COL24A1: variants seen among roughly 807,000 people sequenced by gnomAD.
The protein encoded by COL24A1 is collagen alpha-1(XXIV) chain.
Under a neutral mutation model 253.9 loss-of-function variants are expected in COL24A1, and 224 were observed. The ratio of observed to expected loss-of-function variants is 0.88; its 90% CI spans 0.79 to 0.99. The LOEUF (loss-of-function observed/expected upper bound fraction) is 0.99. Among genes scored for constraint, COL24A1 ranks in the 50% least tolerant of loss-of-function variants. The probability of loss-of-function intolerance (pLI) is 0.00; values close to 1 mark genes in which losing one functional copy is unlikely to be tolerated. For missense variants in COL24A1, 2,131 were observed against 2,068.5 expected (o/e 1.03, Z -0.59); for synonymous variants, 685 against 673.7 (o/e 1.02, Z -0.26).
At position 85,965,025 on chromosome 1, in the gene COL24A1, C is replaced by T; in HGVS notation, c.2501G>A (p.Gly834Glu). The part of the protein sequence containing the change: ...PGQKGYAGEP[G>E]PEGLKGEVGD... ...TTGCTTTACCTTTAAGCCTTCTGGTCCTGGTTCACCTGCATACCCCTTTTG... is the reference window on the plus strand; with the variant it reads ...TTGCTTTACCTTTAAGCCTTCTGGTTCTGGTTCACCTGCATACCCCTTTTG... Residue 834 changes from glycine (G) to glutamate (E), a missense_variant, in exon 23 of 60, where the codon GGA becomes GAA. Coordinates refer to ENST00000370571, the MANE Select transcript of COL24A1 (RefSeq NM_152890.7). 1.2e-6 allele frequency: 2 copies of T among 1,611,044 alleles called. No individual in the cohort carries two copies. The highest frequency in any genetic ancestry group is 2.2e-5 in the South Asian group (2 of 90,550).
At chr1:85,795,131 T>A (rs1433365071) in intron 47 of COL24A1, among the ~76,000 whole-genome samples, 2 of 152,188 alleles carry the variant, frequency 1.3e-5, no homozygotes. Context: ...TGATCTGGTG[T>A]CAGTTAAGGA....
At chr1:85,766,766 T>C (rs1053977430) in intron 53 of COL24A1, among the ~76,000 whole-genome samples, 1 of 152,112 alleles carries the variant, frequency 6.6e-6, no homozygotes, top group African/African-American at 2.4e-5. Flanking sequence ...AGAGCACAGT[T>C]TAATAAATTC....
At chr1:86,059,198 A>C in intron 8 of COL24A1, 24 bp from the exon 9 acceptor site, 2 of 1,552,318 alleles carry the variant, frequency 1.3e-6, no homozygotes, top group Non-Finnish European at 1.8e-6. Flanking sequence ...TAAAATGAAC[A>C]GTATAGCAAA....
chr1:85,847,410 T>C (rs894536481), intron 39 of COL24A1, among the ~76,000 whole-genome samples: 2 of 152,228 alleles, frequency 1.3e-5, no homozygotes, highest in African/African-American at 2.4e-5. Flanking sequence ...GTTATAATCT[T>C]ACTTTTTAAA....
chr1:86,049,144 T>G (rs969586932), intron 11 of COL24A1, among the ~76,000 whole-genome samples: 27 of 152,168 alleles, frequency 1.8e-4, no homozygotes, highest in African/African-American at 6.5e-4. Flanking sequence ...GCTTAAGATG[T>G]TTTTTGCTAT....
intron 24 of COL24A1, among the ~76,000 whole-genome samples, chr1:85,921,449 C>A (rs1558660002): frequency 6.6e-6 from 1 of 152,126 alleles, no homozygotes; most frequent in Non-Finnish European, 1.5e-5. Flanking sequence ...GCAGGTGCCC[C>A]TCTGGGATGA....
At chr1:85,933,866 A>G (rs1048142631) in intron 24 of COL24A1, among the ~76,000 whole-genome samples, 8 of 152,212 alleles carry the variant, frequency 5.3e-5, no homozygotes, top group Non-Finnish European at 1.0e-4. Context: ...ATGTTGAAAT[A>G]TTATGTATTA....
In COL24A1 at chr1:85,908,763, A is replaced by G. The variant is rs1038670603; in HGVS notation, c.2671-112T>C. On this transcript the variant is annotated intron_variant, in intron 26 of 59. Coordinates refer to ENST00000370571, the MANE Select transcript of COL24A1 (RefSeq NM_152890.7). ...ATAATAAAAAGGGATAATTTGACAC[A>G]ATGTTTCTTTTGTAACCAAGATATG... The G allele has an allele frequency of 4.0e-4, 184 of 454,782 alleles. 1 individual carries two copies. The highest frequency in any genetic ancestry group is 1.7e-4 in the Admixed American group (4 of 23,374). The allele number at this position is 454,782 out of a possible 1,614,324, so 28.2% of individuals were successfully genotyped here.
At chr1:86,065,726 A>G (rs935070300) in intron 7 of COL24A1, among the ~76,000 whole-genome samples, 1 of 151,234 alleles carries the variant, frequency 6.6e-6, no homozygotes, top group African/African-American at 2.4e-5. Flanking sequence ...CCCAGGAGCT[A>G]AAGTCCAGTC....
At position 86,080,270 on chromosome 1, in the gene COL24A1, G is replaced by C. The variant is rs565229886; in HGVS notation, c.1707+8904C>G. ...GGCAATGGAAGGATGGTTATTTGAG[G>C]CTGGGAGGGGAATAGGAGATCAGGC... On this transcript the variant is annotated intron_variant, in intron 7 of 59. Transcript: ENST00000370571. 2.6e-5 allele frequency among the ~76,000 whole-genome samples: 4 copies of C among 152,246 alleles called. No homozygotes were observed. In the East Asian group the frequency reaches 7.7e-4, roughly 29 times the overall value.
At chr1:86,042,251 T>C (rs1048725837) in intron 12 of COL24A1, among the ~76,000 whole-genome samples, 2 of 152,152 alleles carry the variant, frequency 1.3e-5, no homozygotes, top group Admixed American at 6.5e-5. Flanking sequence ...ATGCCAACAG[T>C]ATAAGACCAA....
intron 3 of COL24A1, among the ~76,000 whole-genome samples, chr1:86,124,623 T>C (rs900353904): frequency 2.0e-5 from 3 of 151,990 alleles, no homozygotes; most frequent in African/African-American, 7.2e-5. Flanking sequence ...CCTTTCAGCC[T>C]ACCAGATGAA....
rs186579602 is a variant in COL24A1 at position 85,941,192 on chromosome 1, T to C, written c.2562+20057A>G. Among the ~76,000 whole-genome samples the C allele has an allele frequency of 8.7e-4, 133 of 152,236 alleles. 1 individual carries two copies. Among genetic ancestry groups the C allele is most frequent in the Non-Finnish European group, 1.5e-4 (10 of 68,008 alleles). Reference sequence around the variant, plus strand: ...TATATGCTTATATGCAGAACATTATTTTCACATGTAAATTGTTAAATTAGT... The same window carrying C: ...TATATGCTTATATGCAGAACATTATCTTCACATGTAAATTGTTAAATTAGT... On this transcript the variant is annotated intron_variant, in intron 24 of 59. Transcript: ENST00000370571.
At chr1:86,046,913 A>G (rs1699952829) in intron 11 of COL24A1, 44 bp from the exon 12 acceptor site, 1 of 1,048,434 alleles carries the variant, frequency 9.5e-7, no homozygotes, top group Non-Finnish European at 1.5e-6. Context: ...TGAATGAATG[A>G]ATTAGGTACT....
intron 7 of COL24A1, among the ~76,000 whole-genome samples, chr1:86,065,756 T>TTA (rs1553122000): frequency 8.4e-6 from 1 of 118,608 alleles, no homozygotes; most frequent in African/African-American, 3.0e-5. Flanking sequence ...TAGCAACCTC[T>TTA]AAAAAAAAAA....
At chr1:86,080,656 T>G (rs985415067) in intron 7 of COL24A1, among the ~76,000 whole-genome samples, 1 of 152,070 alleles carries the variant, frequency 6.6e-6, no homozygotes, top group Non-Finnish European at 1.5e-5. Flanking sequence ...TTATATAGAC[T>G]TCAATTTTAA....
chr1:85,870,468 G>A (rs1250024785), intron 35 of COL24A1, among the ~76,000 whole-genome samples: 1 of 152,188 alleles, frequency 6.6e-6, no homozygotes, highest in Non-Finnish European at 1.5e-5. Flanking sequence ...CTCAGCAAGT[G>A]TAAAAGAACA....
intron 7 of COL24A1, among the ~76,000 whole-genome samples, chr1:86,079,612 C>A (rs1702494341): frequency 6.6e-6 from 1 of 151,714 alleles, no homozygotes; most frequent in Non-Finnish European, 1.5e-5. Context: ...ATCAAGTAAT[C>A]CAATTAAAAA....
rs778788070 is a variant in COL24A1 at position 85,874,646 on chromosome 1, C to T, written c.3138+3G>A. On this transcript the variant is annotated splice_donor_region_variant and intron_variant, in intron 35 of 59. Coordinates refer to ENST00000370571, the MANE Select transcript of COL24A1 (RefSeq NM_152890.7). ...ATTAAAAGAGTTTCAAGGGGGCACT[C>T]ACCCGTAAACCTGGTTCCCCAGTTC... The T allele has an allele frequency of 1.9e-6, 3 of 1,612,246 alleles. No individual in the cohort carries two copies. Among genetic ancestry groups the T allele is most frequent in the Non-Finnish European group, 2.5e-6 (3 of 1,179,732 alleles).
Sources: gnomAD v4.1 joint callset for allele counts (sites outside exome capture counted in the v4.1 genomes callset) on GRCh38, gnomAD v4.1.1 for gene constraint, MANE v1.5 for transcripts, NCBI Gene and HGNC (gene_info 2026-07-23, HGNC 2026-07-21) for gene names.